The following PYGB variants were observed in gnomAD, a reference collection of about 807,000 sequenced individuals.
PYGB encodes the protein glycogen phosphorylase, brain form.
PYGB carries 82 observed loss-of-function variants against 94.3 expected under a neutral mutation model. The ratio of observed to expected loss-of-function variants is 0.87; its 90% CI spans 0.73 to 1.04. The LOEUF (loss-of-function observed/expected upper bound fraction) is 1.04, where lower values mean the gene tolerates loss of function less well. Among genes scored for constraint, PYGB ranks in the 50% least tolerant of loss-of-function variants. PYGB has a pLI of 0.00. For synonymous variants in PYGB, 488 were observed against 479.1 expected (o/e 1.02, Z -0.24); for missense variants, 1,132 against 1,158.2 (o/e 0.98, Z 0.33).
chr20:25,261,700 C>T (rs6050495), intron 2 of PYGB, among the ~76,000 whole-genome samples: 8,776 of 152,120 alleles, frequency 0.058, 819 homozygotes, highest in African/African-American at 0.2. Context: ...GGAGGATGAT[C>T]GAACCCATCA....
intron 1 of PYGB, among the ~76,000 whole-genome samples, chr20:25,248,670 C>A (rs560145114): frequency 6.6e-6 from 1 of 152,166 alleles, no homozygotes; most frequent in Non-Finnish European, 1.5e-5. Flanking sequence ...GGTCCGCCGT[C>A]CCCCGCAGAT....
rs769741931 is a variant in PYGB at position 25,271,373 on chromosome 20, A to AT, written c.425-4dup. The AT allele has an allele frequency of 1.7e-4, 276 of 1,612,936 alleles. No individual in the cohort carries two copies. Among genetic ancestry groups the AT allele is most frequent in the Admixed American group, 4.7e-4 (28 of 59,986 alleles). ...TTTGATTCTGACTGATTTGTGATTGATTTTTTCAGCGTGTTTCCTTGACTC... is the reference window on the plus strand; with the variant it reads ...TTTGATTCTGACTGATTTGTGATTGATTTTTTTCAGCGTGTTTCCTTGACTC... On this transcript the variant is annotated splice_polypyrimidine_tract_variant and intron_variant, in intron 3 of 19. Coordinates refer to ENST00000216962, the MANE Select transcript of PYGB (RefSeq NM_002862.4).
chr20:25,256,624 G>A (rs1188807580), intron 1 of PYGB, among the ~76,000 whole-genome samples: 1 of 152,248 alleles, frequency 6.6e-6, no homozygotes, highest in Non-Finnish European at 1.5e-5. Flanking sequence ...CAGGCGGCAG[G>A]GCCTCCTTAG....
At chr20:25,274,504 C>T (rs2088292958) in intron 4 of PYGB, 88 bp from the exon 5 acceptor site, 3 of 1,501,476 alleles carry the variant, frequency 2.0e-6, no homozygotes, top group Non-Finnish European at 2.7e-6. Context: ...ACTGTGTGAT[C>T]TCGACCGCAC....
rs578217776 is a variant in PYGB, at chr20:25,252,447, C to T, written c.243+4026C>T. ...CTGATGCTGTCTACCTAGATGTAGC[C>T]TCGGATCCCACAGGCTAAAGGCTCA... On this transcript the variant is annotated intron_variant, in intron 1 of 19. Transcript: ENST00000216962. 2.0e-5 allele frequency among the ~76,000 whole-genome samples: 3 copies of T among 152,324 alleles called. No individual in the cohort carries two copies. The East Asian group carries it at 5.8e-4, about 29-fold the overall frequency.
chr20:25,295,544 C>G (rs549740068), intron 18 of PYGB, 60 bp from the exon 19 acceptor site: 1 of 1,542,308 alleles, frequency 6.5e-7, no homozygotes, highest in Admixed American at 1.7e-5. Context: ...ACTCTCCCCT[C>G]GGGACAGTGT....
intron 17 of PYGB, among the ~76,000 whole-genome samples, chr20:25,293,160 G>T (rs1464640728): frequency 1.0e-4 from 12 of 118,754 alleles, no homozygotes; most frequent in Admixed American, 7.0e-4. Flanking sequence ...GGATGGGGGG[G>T]TTGGGGGGTG....
At chr20:25,276,944 G>A (rs1225778252) in intron 6 of PYGB, among the ~76,000 whole-genome samples, 187 bp downstream of exon 6, 1 of 152,110 alleles carries the variant, frequency 6.6e-6, no homozygotes, top group East Asian at 1.9e-4. Context: ...GGGCCTGCCC[G>A]GGAAGGGCCT....
In PYGB at chr20:25,270,204, T is replaced by TG. The variant is rs1299077029; in HGVS notation, c.424+997_424+998insG. Reference sequence around the variant, plus strand: ...ATCCTGAAGTTTTTTTTGTTTTGTTTTGTTTTTTTTTTTTTTGAGATGGAG... The same window carrying TG: ...ATCCTGAAGTTTTTTTTGTTTTGTTTGTGTTTTTTTTTTTTTTGAGATGGAG... On this transcript the variant is annotated intron_variant, in intron 3 of 19. Coordinates refer to ENST00000216962, the MANE Select transcript of PYGB (RefSeq NM_002862.4). Among the ~76,000 whole-genome samples, 111 of 137,714 alleles carry TG rather than the reference T, an allele frequency of 8.1e-4. 1 individual carries two copies. The highest frequency in any genetic ancestry group is 2.9e-3 in the African/African-American group (92 of 31,324). 90.3% of individuals were successfully genotyped at this position (137,714 alleles called of 152,430 possible).
Position 25,276,630 on chromosome 20 carries a change from C to T in PYGB, c.661-16C>T, listed in dbSNP as rs751160999. On this transcript the variant is annotated splice_polypyrimidine_tract_variant and intron_variant, in intron 5 of 19. Transcript: ENST00000216962. Reference sequence around the variant, plus strand: ...GCCCTTGCCACTCCGTCCTGAGCAACCCGTTTTGTGGCCAGGTGGTGCTGG... The same window carrying T: ...GCCCTTGCCACTCCGTCCTGAGCAATCCGTTTTGTGGCCAGGTGGTGCTGG... 8 of 1,610,156 alleles carry T rather than the reference C, an allele frequency of 5.0e-6. No individual in the cohort carries two copies. In the East Asian group the frequency reaches 1.8e-4, roughly 36 times the overall value.
intron 17 of PYGB, 63 bp downstream of exon 17, chr20:25,292,676 G>A: frequency 2.6e-6 from 4 of 1,546,438 alleles, no homozygotes; most frequent in Non-Finnish European, 3.5e-6. Flanking sequence ...GTGTTGGGCT[G>A]GGGGCATTGG....
intron 13 of PYGB, among the ~76,000 whole-genome samples, chr20:25,283,838 A>G (rs370939437): frequency 2.8e-4 from 42 of 152,112 alleles, no homozygotes; most frequent in African/African-American, 9.9e-4. Flanking sequence ...CTGGCTCTGC[A>G]GTGTCTTCTG....
chr20:25,253,085 C>G (rs2092892812), intron 1 of PYGB, among the ~76,000 whole-genome samples: 1 of 152,210 alleles, frequency 6.6e-6, no homozygotes. Flanking sequence ...GGAGCACAGG[C>G]CAGGAAGAAC....
intron 4 of PYGB, among the ~76,000 whole-genome samples, chr20:25,273,023 C>A (rs888307284): frequency 6.6e-6 from 1 of 152,214 alleles, no homozygotes; most frequent in African/African-American, 2.4e-5. Flanking sequence ...TGAAGCTCAC[C>A]CCTCCTCCCA....
At chr20:25,285,051 C>T (rs2088405058) in intron 14 of PYGB, 1 of 152,204 alleles carries the variant, frequency 6.6e-6, no homozygotes. Flanking sequence ...ATACAAAGCT[C>T]CTCCCGGGAA....
Position 25,296,517 on chromosome 20 carries a change from G to T in PYGB, c.2527G>T (p.Asp843Tyr), listed in dbSNP as rs774335478. Reference protein sequence around the residue: ...LQIPPPNIPRD With the variant: ...LQIPPPNIPRY ...GATCCCGCCCCCCAACATCCCCCGG[G>T]ACTAGGCACACCCTGCCTTGGCGGG... is the stretch of plus-strand genomic sequence containing the variant. The change falls in exon 20 of 20, where the codon GAC becomes TAC. Residue 843 changes from aspartate to tyrosine, a missense_variant. Physicochemically the swap from Asp to Tyr is radical, Grantham distance 160. Transcript: ENST00000216962. 8.1e-6 allele frequency: 13 copies of T among 1,612,794 alleles called. No individual in the cohort carries two copies. In the African/African-American group the frequency reaches 1.2e-4, roughly 15 times the overall value.
At position 25,275,557 on chromosome 20, in the gene PYGB, A is replaced by C. The variant is rs149543143; in HGVS notation, c.660+834A>C. The stretch of plus-strand genomic sequence containing the variant: ...ACTTTGTAGGACACAGTTTTAAATC[A>C]AATACATGGGCTTCGAGTGGCTGGG... On this transcript the variant is annotated intron_variant, in intron 5 of 19. Coordinates refer to ENST00000216962, the MANE Select transcript of PYGB (RefSeq NM_002862.4). 2.8e-3 allele frequency among the ~76,000 whole-genome samples: 424 copies of C among 152,362 alleles called. 3 individuals are homozygous for C. Among genetic ancestry groups the C allele is most frequent in the African/African-American group, 9.9e-3 (413 of 41,586 alleles).
intron 5 of PYGB, among the ~76,000 whole-genome samples, 192 bp from the exon 6 acceptor site, chr20:25,276,454 C>T (rs937223477): frequency 1.3e-5 from 2 of 152,010 alleles, no homozygotes; most frequent in African/African-American, 2.4e-5. Context: ...ACAATGTGGG[C>T]ACCACAGGGG....
chr20:25,267,021 A>G (rs778398785), intron 2 of PYGB, among the ~76,000 whole-genome samples: 5 of 152,244 alleles, frequency 3.3e-5, no homozygotes, highest in Non-Finnish European at 5.9e-5. Flanking sequence ...ATATGTCTAC[A>G]TGAAAAGCTG....
Sources: allele counts gnomAD v4.1 joint callset (sites outside exome capture counted in the v4.1 genomes callset), GRCh38; gene constraint gnomAD v4.1.1; transcripts MANE v1.5; gene names NCBI Gene and HGNC (gene_info 2026-07-23, HGNC 2026-07-21).